The following OSBPL6 variants were observed in gnomAD, a reference collection of about 807,000 sequenced individuals.
The protein encoded by OSBPL6 is oxysterol binding protein like 6.
In OSBPL6, 49 loss-of-function variants were observed where a neutral mutation model predicts 125.8. That is an observed-to-expected ratio of 0.39 (90% CI 0.31 to 0.49). OSBPL6 has a LOEUF of 0.49. Among genes scored for constraint, OSBPL6 ranks in the 20% least tolerant of loss-of-function variants. The pLI is 0.88. For missense variants in OSBPL6, 986 were observed against 1,135.4 expected (o/e 0.87, Z 1.89); for synonymous variants, 394 against 391.8 (o/e 1.01, Z -0.07).
At chr2:178,241,972 C>T (rs1300133343) in intron 1 of OSBPL6, among the ~76,000 whole-genome samples, 1 of 152,126 alleles carries the variant, frequency 6.6e-6, no homozygotes, top group Non-Finnish European at 1.5e-5. Flanking sequence ...AGATTTGTAG[C>T]CTGGGAGCAA....
At chr2:178,297,672 T>G (rs954175157) in intron 2 of OSBPL6, among the ~76,000 whole-genome samples, 1 of 152,206 alleles carries the variant, frequency 6.6e-6, no homozygotes, top group Non-Finnish European at 1.5e-5. Context: ...CAGTGCAGTA[T>G]ATGTTCAGAA....
intron 1 of OSBPL6, among the ~76,000 whole-genome samples, chr2:178,201,082 C>T (rs2153935982): frequency 6.6e-6 from 1 of 152,336 alleles, no homozygotes; most frequent in South Asian, 2.1e-4. Flanking sequence ...GTGTGAGCCA[C>T]TGTGCCTGGC....
chr2:178,352,627 A>G (rs6718010), intron 12 of OSBPL6, among the ~76,000 whole-genome samples: 21,690 of 152,218 alleles, frequency 0.14, 1,683 homozygotes, highest in Admixed American at 0.22. Context: ...AGTAAGGCCT[A>G]TTGCCTCTAT....
At chr2:178,280,642 T>C (rs1396691282) in intron 1 of OSBPL6, among the ~76,000 whole-genome samples, 2 of 152,218 alleles carry the variant, frequency 1.3e-5, no homozygotes, top group African/African-American at 2.4e-5. Flanking sequence ...AAATAGACAA[T>C]AATAGATTAG....
At chr2:178,279,246 C>T (rs186331265) in intron 1 of OSBPL6, among the ~76,000 whole-genome samples, 3 of 152,216 alleles carry the variant, frequency 2.0e-5, no homozygotes, top group Admixed American at 2.0e-4. Context: ...TTCTGATGGG[C>T]TTGAATAAGA....
chr2:178,276,289 A>C (rs1048026086), intron 1 of OSBPL6, among the ~76,000 whole-genome samples: 2 of 151,448 alleles, frequency 1.3e-5, no homozygotes, highest in African/African-American at 4.9e-5. Context: ...GAATTTGGGC[A>C]TTGGTTGGAA....
intron 13 of OSBPL6, among the ~76,000 whole-genome samples, chr2:178,362,729 T>TCA (rs1365831388): frequency 6.6e-6 from 1 of 152,170 alleles, no homozygotes; most frequent in Admixed American, 6.5e-5. Context: ...GTCCCTGAAC[T>TCA]GTCGGCGTAT....
At chr2:178,346,265 A>G (rs1690705075) in intron 11 of OSBPL6, among the ~76,000 whole-genome samples, 1 of 152,186 alleles carries the variant, frequency 6.6e-6, no homozygotes, top group Non-Finnish European at 1.5e-5. Context: ...GAGGATCCCA[A>G]TGCAGTCAGT....
chr2:178,261,826 C>A (rs2092075262), intron 1 of OSBPL6, among the ~76,000 whole-genome samples: 1 of 152,176 alleles, frequency 6.6e-6, no homozygotes, highest in African/African-American at 2.4e-5. Flanking sequence ...TCACTTTGAA[C>A]ACTTTCTTGG....
In OSBPL6 at chr2:178,235,172, A is replaced by G. The variant is rs1001681190; in HGVS notation, c.-351+40498A>G. On this transcript the variant is annotated intron_variant, in intron 1 of 24. Coordinates refer to ENST00000190611, the MANE Select transcript of OSBPL6 (RefSeq NM_032523.4). ...GAATATATATAACAAAAACCTTCCC[A>G]GTTAATGTTCATAAATTGTCAAAGA... is the stretch of plus-strand genomic sequence containing the variant. 2.0e-5 allele frequency among the ~76,000 whole-genome samples: 3 copies of G among 152,202 alleles called. No individual in the cohort carries two copies. The South Asian group carries it at 6.2e-4, about 32-fold the overall frequency.
intron 1 of OSBPL6, among the ~76,000 whole-genome samples, chr2:178,253,750 G>C (rs2091779523): frequency 6.6e-6 from 1 of 152,124 alleles, no homozygotes; most frequent in Non-Finnish European, 1.5e-5. Context: ...GAGTTGCCCA[G>C]TTTTGCAAAT....
chr2:178,314,747 A>G (rs745359765), intron 3 of OSBPL6, among the ~76,000 whole-genome samples: 13 of 152,182 alleles, frequency 8.5e-5, no homozygotes, highest in Non-Finnish European at 1.6e-4. Context: ...ACTTTGTTCA[A>G]AGAACAAAGT....
intron 5 of OSBPL6, among the ~76,000 whole-genome samples, chr2:178,330,546 A>C (rs1689109165): frequency 6.6e-6 from 1 of 152,162 alleles, no homozygotes. Flanking sequence ...AGAACCTGTA[A>C]CAAAGGGTTT....
At chr2:178,379,421 GAAAA>G (rs939629962) in intron 15 of OSBPL6, among the ~76,000 whole-genome samples, 4 of 145,972 alleles carry the variant, frequency 2.7e-5, no homozygotes, top group Admixed American at 2.1e-4. Flanking sequence ...GAAAGAGAAA[GAAAA>G]GAAAGAGAAA....
At chr2:178,387,264 C>A in intron 20 of OSBPL6, 125 bp downstream of exon 20, 1 of 691,454 alleles carries the variant, frequency 1.4e-6, no homozygotes, top group South Asian at 2.1e-5. Context: ...TTACCTTTGC[C>A]AAAGTTTTGA....
At chr2:178,362,723 C>G (rs1692464243) in intron 13 of OSBPL6, among the ~76,000 whole-genome samples, 1 of 152,098 alleles carries the variant, frequency 6.6e-6, no homozygotes, top group African/African-American at 2.4e-5. Flanking sequence ...TTTTACGTCC[C>G]TGAACTGTCG....
chr2:178,286,366 C>A lies in OSBPL6; in HGVS notation c.-156+1245C>A, dbSNP rs563615374. ...TAGGCTTTTGAGTTCAAGAGTCCTG[C>A]TTTAAGCATCAATTTCTTCTGCTCT... is the stretch of plus-strand genomic sequence containing the variant. On this transcript the variant is annotated intron_variant, in intron 2 of 24. Transcript: ENST00000190611. 3.3e-5 allele frequency among the ~76,000 whole-genome samples: 5 copies of A among 152,358 alleles called. No individual in the cohort carries two copies. The East Asian group carries it at 9.6e-4, about 29-fold the overall frequency.
chr2:178,346,222 A>T (rs957171469), intron 11 of OSBPL6, among the ~76,000 whole-genome samples: 1 of 152,212 alleles, frequency 6.6e-6, no homozygotes, highest in Non-Finnish European at 1.5e-5. Flanking sequence ...CTGGAAAAAG[A>T]TAAATACTGG....
At chr2:178,232,971 A>G (rs2090898098) in intron 1 of OSBPL6, among the ~76,000 whole-genome samples, 1 of 152,200 alleles carries the variant, frequency 6.6e-6, no homozygotes, top group Non-Finnish European at 1.5e-5. Context: ...GATAATTTGT[A>G]ATTGCAACCG....
Sources: allele counts gnomAD v4.1 joint callset (sites outside exome capture counted in the v4.1 genomes callset), GRCh38; gene constraint gnomAD v4.1.1; transcripts MANE v1.5; gene names NCBI Gene and HGNC (gene_info 2026-07-23, HGNC 2026-07-21).